The following MARCHF1 variants were observed in gnomAD, a reference collection of about 807,000 sequenced individuals.
MARCHF1 encodes the protein membrane associated ring-CH-type finger 1, also known as E3 ubiquitin-protein ligase MARCHF1.
Under a neutral mutation model 54.2 loss-of-function variants are expected in MARCHF1, and 40 were observed. That is an observed-to-expected ratio of 0.74 (90% confidence interval 0.57 to 0.96). MARCHF1 has a LOEUF of 0.96. Among genes scored for constraint, MARCHF1 ranks in the 40% least tolerant of loss-of-function variants. The pLI, the probability that MARCHF1 is intolerant of heterozygous loss-of-function variation, is 0.00. For missense variants in MARCHF1, 586 were observed against 656.5 expected, an observed-to-expected ratio of 0.89 and a Z score of 1.17; for synonymous variants, 236 against 236.3, an observed-to-expected ratio of 1.00 and a Z score of 0.01.
At chr4:163,899,377 G>A (rs560272309) in intron 3 of MARCHF1, among the ~76,000 whole-genome samples, 6 of 152,036 alleles carry the variant, frequency 3.9e-5, no homozygotes, top group Non-Finnish European at 8.8e-5. Flanking sequence ...CACTATATAT[G>A]ATAGATTATT....
chr4:163,788,951 T>G (rs1747695254), intron 4 of MARCHF1, among the ~76,000 whole-genome samples: 2 of 152,046 alleles, frequency 1.3e-5, no homozygotes, highest in South Asian at 4.1e-4. Flanking sequence ...ATATTCTGTT[T>G]CTCCATAAAG....
intron 4 of MARCHF1, chr4:163,829,050 A>T (rs1375246436): frequency 2.0e-5 from 3 of 152,234 alleles, no homozygotes; most frequent in African/African-American, 7.2e-5. Flanking sequence ...CAGGCTGAGC[A>T]TCTGAACCAA....
At chr4:164,197,448 A>C in intron 1 of MARCHF1, 1 of 1,613,566 alleles carries the variant, frequency 6.2e-7, no homozygotes, top group Non-Finnish European at 8.5e-7. Context: ...TTAAATATAG[A>C]TGCGTGAGGT....
At chr4:163,977,101 G>A (rs778290110) in intron 3 of MARCHF1, among the ~76,000 whole-genome samples, 88 of 151,626 alleles carry the variant, frequency 5.8e-4, no homozygotes, top group Non-Finnish European at 8.2e-4. Context: ...CATACATCAT[G>A]TGTTCAATAA....
chr4:164,060,238 A>C (rs566897197), intron 2 of MARCHF1, among the ~76,000 whole-genome samples: 1 of 152,248 alleles, frequency 6.6e-6, no homozygotes, highest in South Asian at 2.1e-4. Flanking sequence ...TAAAATGATA[A>C]GAATCCAGCT....
chr4:163,752,035 A>C (rs887108141), intron 4 of MARCHF1, among the ~76,000 whole-genome samples: 1 of 152,188 alleles, frequency 6.6e-6, no homozygotes, highest in Non-Finnish European at 1.5e-5. Flanking sequence ...GTAGATGATA[A>C]ATATCTGGAC....
At chr4:164,322,230 T>G (rs1166344273) in intron 1 of MARCHF1, among the ~76,000 whole-genome samples, 2 of 152,016 alleles carry the variant, frequency 1.3e-5, no homozygotes, top group African/African-American at 4.8e-5. Flanking sequence ...AAACCAAAAC[T>G]GTAGCCAAGG....
At chr4:164,140,681 G>A (rs887937269) in intron 1 of MARCHF1, among the ~76,000 whole-genome samples, 5 of 152,062 alleles carry the variant, frequency 3.3e-5, no homozygotes, top group South Asian at 2.1e-4. Flanking sequence ...AATACCTGTC[G>A]CCATCATTTC....
At chr4:163,690,893 A>G (rs550534384) in intron 5 of MARCHF1, among the ~76,000 whole-genome samples, 17 of 152,180 alleles carry the variant, frequency 1.1e-4, no homozygotes, top group Non-Finnish European at 2.5e-4. Flanking sequence ...GGAGCGTTAC[A>G]TCTCCTTCTG....
At chr4:163,719,861 C>T (rs1038762252) in intron 4 of MARCHF1, among the ~76,000 whole-genome samples, 13 of 151,984 alleles carry the variant, frequency 8.6e-5, no homozygotes, top group Non-Finnish European at 1.3e-4. Context: ...ATTCTTCGCC[C>T]GCTTGTTGAT....
At chr4:163,537,857 T>C (rs1738591256) in intron 9 of MARCHF1, among the ~76,000 whole-genome samples, 1 of 152,232 alleles carries the variant, frequency 6.6e-6, no homozygotes, top group African/African-American at 2.4e-5. Context: ...TGATTTAATA[T>C]GATTATTAAA....
intron 2 of MARCHF1, among the ~76,000 whole-genome samples, chr4:164,085,881 T>C (rs1755183355): frequency 6.6e-6 from 1 of 151,944 alleles, no homozygotes; most frequent in South Asian, 2.1e-4. Context: ...AGAATACTTA[T>C]TGGAGAAAGT....
chr4:164,340,975 C>T (rs191658991), intron 1 of MARCHF1, among the ~76,000 whole-genome samples: 51 of 151,328 alleles, frequency 3.4e-4, no homozygotes, highest in African/African-American at 1.2e-3. Context: ...ATGCAAAACT[C>T]CTCTATAGAA....
chr4:163,903,891 C>T (rs1319184998), intron 3 of MARCHF1, among the ~76,000 whole-genome samples: 3 of 152,168 alleles, frequency 2.0e-5, no homozygotes, highest in Non-Finnish European at 4.4e-5. Flanking sequence ...TCTAGTATTA[C>T]AGGCATGAGC....
At chr4:163,608,447 TTG>T (rs1367265595) in intron 7 of MARCHF1, among the ~76,000 whole-genome samples, 1 of 152,074 alleles carries the variant, frequency 6.6e-6, no homozygotes, top group Non-Finnish European at 1.5e-5. Flanking sequence ...CAACAGGGAC[TTG>T]TAAATATTAA....
At chr4:163,833,332 A>G (rs1461785777) in intron 4 of MARCHF1, among the ~76,000 whole-genome samples, 1 of 152,202 alleles carries the variant, frequency 6.6e-6, no homozygotes, top group African/African-American at 2.4e-5. Context: ...CTAAAACACC[A>G]AAAGCAATGG....
At chr4:164,271,679 T>A (rs1579678324) in intron 1 of MARCHF1, among the ~76,000 whole-genome samples, 1 of 152,132 alleles carries the variant, frequency 6.6e-6, no homozygotes, top group Non-Finnish European at 1.5e-5. Context: ...CTATCTCCAA[T>A]AGAAATCAGT....
chr4:163,701,836 T>C (rs1022235476), intron 4 of MARCHF1, among the ~76,000 whole-genome samples: 4 of 121,338 alleles, frequency 3.3e-5, no homozygotes, highest in Admixed American at 1.6e-4. Flanking sequence ...AGAATTCCTT[T>C]TGTTTTTTTT....
intron 1 of MARCHF1, among the ~76,000 whole-genome samples, chr4:164,223,810 C>A (rs1732177677): frequency 6.6e-6 from 1 of 151,268 alleles, no homozygotes; most frequent in Non-Finnish European, 1.5e-5. Context: ...CATAGGAAAC[C>A]CTACATATTA....
Sources: gnomAD v4.1 joint callset for allele counts (sites outside exome capture counted in the v4.1 genomes callset) on GRCh38, gnomAD v4.1.1 for gene constraint, MANE v1.5 for transcripts, NCBI Gene and HGNC (gene_info 2026-07-23, HGNC 2026-07-21) for gene names.